VPS41: variants seen among roughly 807,000 people sequenced by gnomAD.
VPS41 encodes VPS41 subunit of HOPS complex, also known as vacuolar protein sorting-associated protein 41 homolog.
VPS41 carries 85 observed loss-of-function variants against 130.9 expected under a neutral mutation model. The observed-to-expected ratio is 0.65, with a 90% CI of 0.55 to 0.78. VPS41 has a LOEUF of 0.78. Ranked by LOEUF, VPS41 falls within the 30% of genes least tolerant of loss-of-function variation. The probability of loss-of-function intolerance (pLI) is 0.00; values close to 1 mark genes in which losing one functional copy is unlikely to be tolerated. For synonymous variants in VPS41, 335 were observed against 332.9 expected (o/e 1.01, Z -0.07); for missense variants, 874 against 1,018.7 (o/e 0.86, Z 1.93).
intron 6 of VPS41, among the ~76,000 whole-genome samples, chr7:38,820,163 C>A (rs1464388949): frequency 6.6e-6 from 1 of 152,214 alleles, no homozygotes; most frequent in Non-Finnish European, 1.5e-5. Flanking sequence ...CTATTTAGCA[C>A]AGGCTGTCCA....
chr7:38,737,079 A>C (rs1316544502), intron 25 of VPS41, among the ~76,000 whole-genome samples: 1 of 152,120 alleles, frequency 6.6e-6, no homozygotes, highest in African/African-American at 2.4e-5. Flanking sequence ...TCTTTAAAAA[A>C]CTAAAATAAA....
intron 5 of VPS41, among the ~76,000 whole-genome samples, chr7:38,824,709 T>C (rs1182148926): frequency 1.3e-5 from 2 of 152,150 alleles, no homozygotes; most frequent in Non-Finnish European, 2.9e-5. Context: ...AACATGAATA[T>C]CAGACTTTGA....
chr7:38,839,447 G>C (rs1785561701), intron 4 of VPS41, among the ~76,000 whole-genome samples: 1 of 152,088 alleles, frequency 6.6e-6, no homozygotes, highest in South Asian at 2.1e-4. Flanking sequence ...CTTTGAAACA[G>C]AGTCTCGCTC....
At chr7:38,730,247 C>A (rs546134934) in intron 25 of VPS41, among the ~76,000 whole-genome samples, 1 of 152,298 alleles carries the variant, frequency 6.6e-6, no homozygotes, top group East Asian at 1.9e-4. Flanking sequence ...ATTTTGCTTT[C>A]ATAAGTTTTA....
At chr7:38,783,396 G>A (rs1435799143) in intron 10 of VPS41, among the ~76,000 whole-genome samples, 9 of 151,684 alleles carry the variant, frequency 5.9e-5, no homozygotes, top group East Asian at 5.9e-4. Flanking sequence ...TTAGCCAAGC[G>A]TGGTGGCAGG....
chr7:38,772,449 AC>A, intron 13 of VPS41, 72 bp downstream of exon 13: 1 of 1,057,716 alleles, frequency 9.5e-7, no homozygotes, highest in South Asian at 1.7e-5. Flanking sequence ...AAGATTTATT[AC>A]AAAAACATTT....
intron 2 of VPS41, among the ~76,000 whole-genome samples, chr7:38,884,741 A>C (rs1351599153): frequency 1.3e-5 from 2 of 152,202 alleles, no homozygotes; most frequent in Non-Finnish European, 2.9e-5. Context: ...TCAACGGAAC[A>C]AACTATAGGC....
chr7:38,899,707 T>C (rs921926901), intron 1 of VPS41, among the ~76,000 whole-genome samples: 3 of 152,190 alleles, frequency 2.0e-5, no homozygotes, highest in African/African-American at 7.2e-5. Flanking sequence ...TCTAACATCC[T>C]TTCCATCTCT....
chr7:38,902,869 C>G (rs1787175327), intron 1 of VPS41, among the ~76,000 whole-genome samples: 1 of 152,114 alleles, frequency 6.6e-6, no homozygotes, highest in Non-Finnish European at 1.5e-5. Flanking sequence ...CTTCCCGTAC[C>G]CCTCAGCTAG....
chr7:38,763,381 A>G (rs534432042), intron 17 of VPS41, 74 bp downstream of exon 17: 72 of 1,064,094 alleles, frequency 6.8e-5, no homozygotes, highest in Non-Finnish European at 9.2e-5. Flanking sequence ...GCATTGCTCC[A>G]TTGTATTCCT....
At chr7:38,829,784 A>C (rs900692674) in intron 5 of VPS41, among the ~76,000 whole-genome samples, 16 of 152,264 alleles carry the variant, frequency 1.1e-4, no homozygotes, top group Admixed American at 8.5e-4. Context: ...AAGACACTTT[A>C]TTCTTCTGAT....
intron 4 of VPS41, among the ~76,000 whole-genome samples, chr7:38,845,559 C>T (rs1467192178): frequency 1.3e-5 from 2 of 152,224 alleles, no homozygotes; most frequent in Non-Finnish European, 2.9e-5. Context: ...TTTCTCTTAA[C>T]AGTTCAGATC....
At chr7:38,802,132 C>A (rs1182230415) in intron 7 of VPS41, among the ~76,000 whole-genome samples, 1 of 152,186 alleles carries the variant, frequency 6.6e-6, no homozygotes, top group East Asian at 1.9e-4. Context: ...TTGAAAGCTG[C>A]TTTTAAGGTT....
intron 4 of VPS41, among the ~76,000 whole-genome samples, chr7:38,843,097 A>T (rs1336785358): frequency 6.6e-6 from 1 of 152,244 alleles, no homozygotes; most frequent in Non-Finnish European, 1.5e-5. Flanking sequence ...AAACAGAGGC[A>T]GAGTTTTGTT....
At chr7:38,836,437 C>A (rs1337878240) in intron 4 of VPS41, among the ~76,000 whole-genome samples, 1 of 152,000 alleles carries the variant, frequency 6.6e-6, no homozygotes, top group Non-Finnish European at 1.5e-5. Context: ...GTTAATACAT[C>A]AGTAAAAACT....
At chr7:38,889,971 A>C (rs1786825947) in intron 2 of VPS41, among the ~76,000 whole-genome samples, 1 of 152,222 alleles carries the variant, frequency 6.6e-6, no homozygotes, top group Middle Eastern at 3.2e-3. Flanking sequence ...ACTTCACTAG[A>C]AGTGGCAAAC....
intron 25 of VPS41, among the ~76,000 whole-genome samples, chr7:38,729,025 C>G (rs781775654): frequency 2.6e-5 from 4 of 152,186 alleles, no homozygotes; most frequent in Non-Finnish European, 5.9e-5. Flanking sequence ...TCCAACCATA[C>G]ACGGGCTCCT....
At chr7:38,890,409 A>G (rs6462873) in intron 2 of VPS41, among the ~76,000 whole-genome samples, 134,955 of 152,190 alleles carry the variant, frequency 0.89, 59,915 homozygotes, top group East Asian at 1. Context: ...GACCAAAAAA[A>G]GATAGCACAG....
chr7:38,908,705 C>T (rs181710039), intron 1 of VPS41, among the ~76,000 whole-genome samples: 4,181 of 152,302 alleles, frequency 0.027, 177 homozygotes, highest in African/African-American at 0.095. Context: ...CGCAACAGTG[C>T]TCCAGCTCTG....
Sources: allele counts gnomAD v4.1 joint callset (sites outside exome capture counted in the v4.1 genomes callset), GRCh38; gene constraint gnomAD v4.1.1; transcripts MANE v1.5; gene names NCBI Gene and HGNC (gene_info 2026-07-23, HGNC 2026-07-21).